Variants in FAM210A observed in about 807,000 individuals in gnomAD.
The protein encoded by FAM210A is mitochondrial inner membrane scaffold 1.
In FAM210A, 13 loss-of-function variants were observed where a neutral mutation model predicts 25.3. The ratio of observed to expected loss-of-function variants is 0.51; its 90% CI spans 0.33 to 0.82. The LOEUF (loss-of-function observed/expected upper bound fraction) is 0.82. Among genes scored for constraint, FAM210A ranks in the 40% least tolerant of loss-of-function variants. FAM210A has a pLI of 0.02. For missense variants in FAM210A, 319 were observed against 323.2 expected (o/e 0.99, Z 0.10); for synonymous variants, 125 against 118.7 (o/e 1.05, Z -0.35).
At chr18:13,706,946 C>T (rs745647556) in intron 1 of FAM210A, among the ~76,000 whole-genome samples, 10 of 152,164 alleles carry the variant, frequency 6.6e-5, no homozygotes, top group Admixed American at 2.0e-4. Flanking sequence ...TTTACTGGGA[C>T]CCTGGGTAAG....
At position 13,666,445 on chromosome 18, in the gene FAM210A, G is replaced by A. The variant is rs1601936551; in HGVS notation, c.*35C>T. On this transcript the variant is annotated 3_prime_UTR_variant, in exon 4 of 4. Transcript: ENST00000651643. ...TGCCCATAGTTTCCAAAGGGTTAAAGTGCAGGAATTTTCTATACTGCTATA... is the reference window on the plus strand; with the variant it reads ...TGCCCATAGTTTCCAAAGGGTTAAAATGCAGGAATTTTCTATACTGCTATA... 1 of 1,548,986 alleles carries A rather than the reference G, an allele frequency of 6.5e-7. No homozygotes were observed.
At chr18:13,715,828 G>T (rs955171740) in intron 1 of FAM210A, among the ~76,000 whole-genome samples, 1 of 152,140 alleles carries the variant, frequency 6.6e-6, no homozygotes, top group South Asian at 2.1e-4. Flanking sequence ...CTAAATTTCA[G>T]ATCCTATAAT....
Position 13,666,484 on chromosome 18 carries a change from T to C in FAM210A, c.815A>G (p.Glu272Gly). The change falls in exon 4 of 4, where the codon GAA becomes GGA. Residue 272 changes from glutamate (E) to glycine (G), a missense_variant. Glu to Gly is a moderately conservative substitution (Grantham distance 98, BLOSUM62 -2). Coordinates refer to ENST00000651643, the MANE Select transcript of FAM210A (RefSeq NM_152352.4). Reference sequence around the variant, plus strand: ...TATACTGCTATATAAGGCACCTTATTCCACTTTTTTCTTAAAGGAAACTTT... The same window carrying C: ...TATACTGCTATATAAGGCACCTTATCCCACTTTTTTCTTAAAGGAAACTTT... ...KEKVSFKKKV[E>G] The C allele has an allele frequency of 3.1e-6, 5 of 1,613,048 alleles. No homozygotes were observed. Among genetic ancestry groups the C allele is most frequent in the Non-Finnish European group, 4.2e-6 (5 of 1,179,346 alleles).
chr18:13,680,212 A>G (rs2043540515), intron 2 of FAM210A, among the ~76,000 whole-genome samples: 1 of 152,260 alleles, frequency 6.6e-6, no homozygotes, highest in Admixed American at 6.5e-5. Flanking sequence ...GAATGCCTAC[A>G]ATAACTTTTG....
At chr18:13,675,354 T>G (rs71353282) in intron 2 of FAM210A, among the ~76,000 whole-genome samples, 2,326 of 115,530 alleles carry the variant, frequency 0.02, 3 homozygotes, top group South Asian at 0.026. Context: ...CTGGCTTCTT[T>G]ATTTCCAGTT....
At chr18:13,682,187 C>T (rs1031542648) in intron 1 of FAM210A, 82 bp from the exon 2 acceptor site, 3 of 941,060 alleles carry the variant, frequency 3.2e-6, no homozygotes, top group African/African-American at 1.7e-5. Flanking sequence ...CAATCATTAA[C>T]CATTAGGAAG....
chr18:13,705,597 G>A (rs569693141), intron 1 of FAM210A, among the ~76,000 whole-genome samples: 3 of 152,094 alleles, frequency 2.0e-5, no homozygotes, highest in African/African-American at 7.2e-5. Flanking sequence ...TCAGCCTCCC[G>A]AGTGGCTGGG....
At chr18:13,691,214 T>A (rs917753030) in intron 1 of FAM210A, among the ~76,000 whole-genome samples, 1 of 152,098 alleles carries the variant, frequency 6.6e-6, no homozygotes, top group East Asian at 1.9e-4. Context: ...GAAAAAAGAA[T>A]ACAAAGACAT....
chr18:13,699,868 T>C lies in FAM210A; in HGVS notation c.-28-17763A>G, dbSNP rs572537915. ...ATGACCTGGTCAAACCAAGCTCATA[T>C]TCTTCCTTCATCTAAACTTTTGCCA... On this transcript the variant is annotated intron_variant, in intron 1 of 3. Transcript: ENST00000651643. 2.0e-5 allele frequency among the ~76,000 whole-genome samples: 3 copies of C among 152,330 alleles called. No individual in the cohort carries two copies. In the East Asian group the frequency reaches 5.8e-4, roughly 29 times the overall value.
At chr18:13,717,862 C>CA (rs1462169839) in intron 1 of FAM210A, among the ~76,000 whole-genome samples, 3 of 152,128 alleles carry the variant, frequency 2.0e-5, no homozygotes, top group Admixed American at 1.3e-4. Flanking sequence ...AGACTGGAGA[C>CA]AGAGTTTTCT....
chr18:13,666,795 C>T lies in FAM210A; in HGVS notation c.586-82G>A, dbSNP rs540834054. On this transcript the variant is annotated intron_variant, in intron 3 of 3. Coordinates refer to ENST00000651643, the MANE Select transcript of FAM210A (RefSeq NM_152352.4). ...GCAAAAACAAGTTAAAATTAAAATTCTTGGTAATAACCCATCAGAATAAAT... is the reference window on the plus strand; with the variant it reads ...GCAAAAACAAGTTAAAATTAAAATTTTTGGTAATAACCCATCAGAATAAAT... The T allele has an allele frequency of 2.4e-6, 3 of 1,264,002 alleles. No individual in the cohort carries two copies. In the African/African-American group the frequency reaches 4.5e-5, roughly 19 times the overall value. 78.3% of individuals were successfully genotyped at this position (1,264,002 alleles called of 1,614,324 possible). A position where few individuals can be genotyped will look rare whatever the true frequency, so the allele number is the denominator to read the frequency against.
intron 1 of FAM210A, among the ~76,000 whole-genome samples, chr18:13,724,842 C>T (rs1345985952): frequency 6.6e-6 from 1 of 152,208 alleles, no homozygotes; most frequent in East Asian, 1.9e-4. Flanking sequence ...GGCGCAATCT[C>T]GGCTCACTGC....
In FAM210A at chr18:13,681,656, T is replaced by G; in HGVS notation, c.422A>C (p.His141Pro). ...AAACCAAACACCAGAAGTTATTAGA[T>G]GCACTGGAATCAGAACTTTTCCATA... is the stretch of plus-strand genomic sequence containing the variant. ...RQYGKVLIPV[H>P]LITSGVWFGT... The change falls in exon 2 of 4, where the codon CAT (histidine) becomes CCT (proline). Residue 141 changes from histidine to proline, a missense_variant. Physicochemically the swap from His to Pro is moderately conservative, Grantham distance 77. Coordinates refer to ENST00000651643, the MANE Select transcript of FAM210A (RefSeq NM_152352.4). The G allele has an allele frequency of 4.3e-6, 7 of 1,612,924 alleles. No homozygotes were observed. The highest frequency in any genetic ancestry group is 4.2e-6 in the Non-Finnish European group (5 of 1,179,708).
At chr18:13,718,621 A>G (rs1017436116) in intron 1 of FAM210A, among the ~76,000 whole-genome samples, 8 of 152,170 alleles carry the variant, frequency 5.3e-5, no homozygotes, top group Non-Finnish European at 1.2e-4. Flanking sequence ...CCTGAAAATA[A>G]AGGATTGAGA....
intron 1 of FAM210A, among the ~76,000 whole-genome samples, chr18:13,696,735 A>G (rs2043697441): frequency 6.6e-6 from 1 of 152,246 alleles, no homozygotes; most frequent in Admixed American, 6.5e-5. Context: ...AAATGAAAAT[A>G]TTAATAGGCA....
At chr18:13,688,213 C>A (rs909442541) in intron 1 of FAM210A, among the ~76,000 whole-genome samples, 5 of 152,160 alleles carry the variant, frequency 3.3e-5, no homozygotes, top group Admixed American at 3.3e-4. Flanking sequence ...AGCCTGAAAC[C>A]CACAGCCCAA....
intron 3 of FAM210A, among the ~76,000 whole-genome samples, chr18:13,669,633 T>C (rs745876116): frequency 1.3e-5 from 2 of 152,124 alleles, no homozygotes; most frequent in Admixed American, 6.5e-5. Context: ...ACACACACTT[T>C]GTGTGTGCAT....
chr18:13,716,913 T>A (rs1191121187), intron 1 of FAM210A, among the ~76,000 whole-genome samples: 7 of 152,202 alleles, frequency 4.6e-5, no homozygotes, highest in Non-Finnish European at 8.8e-5. Flanking sequence ...AGTGTGAGAA[T>A]GGACTAACAC....
At position 13,690,019 on chromosome 18, in the gene FAM210A, G is replaced by A. The variant is rs140369413; in HGVS notation, c.-28-7914C>T. 2.7e-3 allele frequency among the ~76,000 whole-genome samples: 417 copies of A among 152,338 alleles called. 1 individual carries two copies. The highest frequency in any genetic ancestry group is 9.0e-3 in the African/African-American group (373 of 41,582). On this transcript the variant is annotated intron_variant, in intron 1 of 3. Coordinates refer to ENST00000651643, the MANE Select transcript of FAM210A (RefSeq NM_152352.4). The stretch of plus-strand genomic sequence containing the variant: ...TTCCCTTTCCTAGCAAAGGGAAGCC[G>A]TGACAGACGGTACGTGGAAAATCGG...
Sources: gnomAD v4.1 joint callset for allele counts (sites outside exome capture counted in the v4.1 genomes callset) on GRCh38, gnomAD v4.1.1 for gene constraint, MANE v1.5 for transcripts, NCBI Gene and HGNC (gene_info 2026-07-23, HGNC 2026-07-21) for gene names.